MAF: variants seen among roughly 807,000 people sequenced by gnomAD.
MAF encodes MAF bZIP transcription factor.
A neutral mutation model predicts 22.0 loss-of-function variants in MAF; 10 were observed. The observed-to-expected ratio is 0.45, with a 90% CI of 0.28 to 0.77. The LOEUF is 0.77. Ranked by LOEUF, MAF falls within the 30% of genes least tolerant of loss-of-function variation. The pLI, the probability that MAF is intolerant of heterozygous loss-of-function variation, is 0.12. For missense variants in MAF, 544 were observed against 548.4 expected, an observed-to-expected ratio of 0.99 and a Z score of 0.08; for synonymous variants, 337 against 255.8, an observed-to-expected ratio of 1.32 and a Z score of -3.03.
the MAF span, among the ~76,000 whole-genome samples, chr16:79,495,355 C>T: frequency 2.0e-5 from 3 of 152,000 alleles, no homozygotes; most frequent in Non-Finnish European, 2.9e-5. Flanking sequence ...ACCAGCTACT[C>T]AGGAAGCTGA....
the MAF span, among the ~76,000 whole-genome samples, chr16:79,297,337 T>C: frequency 6.6e-6 from 1 of 152,196 alleles, no homozygotes; most frequent in Non-Finnish European, 1.5e-5. Context: ...AATGCTTTCA[T>C]TGAAGAATTG....
chr16:79,403,060 T>G, the MAF span, among the ~76,000 whole-genome samples: 1 of 152,180 alleles, frequency 6.6e-6, no homozygotes, highest in Admixed American at 6.5e-5. Flanking sequence ...TTTCAGCTCT[T>G]TGATGTGGCA....
chr16:79,226,369 G>A, the MAF span, among the ~76,000 whole-genome samples: 1 of 152,058 alleles, frequency 6.6e-6, no homozygotes, highest in African/African-American at 2.4e-5. Flanking sequence ...CACATACCAG[G>A]GCCTGTCAGG....
chr16:79,600,262 A>C lies in MAF; in HGVS notation c.-360T>G, dbSNP rs1339014893. 1 of 246,774 alleles carries C rather than the reference A, an allele frequency of 4.1e-6. No individual in the cohort carries two copies. Among genetic ancestry groups the C allele is most frequent in the Non-Finnish European group, 8.2e-6 (1 of 122,430 alleles). 15.3% of individuals were successfully genotyped at this position (246,774 alleles called of 1,614,324 possible). On this transcript the variant is annotated 5_prime_UTR_variant, in exon 1 of 2. Coordinates refer to ENST00000326043, the MANE Select transcript of MAF (RefSeq NM_005360.5). ...GTGGTGGCTGCGGCGGCGAAGCTGG[A>C]GGAGCCCGGCCCGGTGCGCGGCGTC... is the stretch of plus-strand genomic sequence containing the variant.
chr16:79,513,081 C>G, the MAF span, among the ~76,000 whole-genome samples: 1 of 152,244 alleles, frequency 6.6e-6, no homozygotes, highest in Non-Finnish European at 1.5e-5. Context: ...AGCAGCAATG[C>G]TGTGAGCATA....
chr16:79,578,520 A>G, the MAF span, among the ~76,000 whole-genome samples: 2 of 152,168 alleles, frequency 1.3e-5, no homozygotes, highest in Non-Finnish European at 2.9e-5. Flanking sequence ...AGCTCTATTC[A>G]TTTCTCATAT....
chr16:79,211,552 C>CATCTCATCACT, the MAF span: 1 of 1,610,764 alleles, frequency 6.2e-7, no homozygotes, highest in Non-Finnish European at 8.5e-7. Context: ...GAAATGACGC[C>CATCTCATCACT]ATCTCATCAC....
chr16:79,515,655 T>G, the MAF span, among the ~76,000 whole-genome samples: 972 of 152,276 alleles, frequency 6.4e-3, 5 homozygotes, highest in Non-Finnish European at 9.9e-3. Context: ...GCGTCTGTAT[T>G]TACAACTCTC....
chr16:79,381,194 A>G, the MAF span, among the ~76,000 whole-genome samples: 2 of 152,256 alleles, frequency 1.3e-5, no homozygotes, highest in Non-Finnish European at 2.9e-5. Flanking sequence ...TTTCCCTACA[A>G]ATCATGTGAC....
intron 1 of MAF, chr16:79,596,837 C>T (rs1913556837): frequency 4.8e-6 from 5 of 1,048,456 alleles, no homozygotes; most frequent in Non-Finnish European, 5.8e-6. Flanking sequence ...TGCAGTAATG[C>T]CATTTTTATA....
the MAF span, among the ~76,000 whole-genome samples, chr16:79,550,984 G>A: frequency 7.5e-3 from 1,143 of 152,184 alleles, 15 homozygotes; most frequent in African/African-American, 0.026. Context: ...GGAGGCCCCC[G>A]TGGCCTCACA....
At chr16:79,352,501 A>C in the MAF span, among the ~76,000 whole-genome samples, 1 of 152,154 alleles carries the variant, frequency 6.6e-6, no homozygotes, top group African/African-American at 2.4e-5. Context: ...AATCCCATAA[A>C]ATAATAACAG....
At chr16:79,385,583 G>A in the MAF span, among the ~76,000 whole-genome samples, 9 of 152,128 alleles carry the variant, frequency 5.9e-5, no homozygotes, top group African/African-American at 2.2e-4. Flanking sequence ...TTCTTAATTT[G>A]GTTTTTAAAA....
the MAF span, among the ~76,000 whole-genome samples, chr16:79,366,229 C>T: frequency 1.3e-5 from 2 of 152,144 alleles, no homozygotes; most frequent in African/African-American, 4.8e-5. Context: ...AAAATATATT[C>T]AGCTCTACAA....
the MAF span, among the ~76,000 whole-genome samples, chr16:79,309,180 A>C: frequency 2.6e-5 from 4 of 152,110 alleles, no homozygotes; most frequent in African/African-American, 7.2e-5. Context: ...ATACAGGAAA[A>C]ACTGAGGCTG....
the MAF span, among the ~76,000 whole-genome samples, chr16:79,419,030 T>C: frequency 6.6e-6 from 1 of 152,188 alleles, no homozygotes; most frequent in Non-Finnish European, 1.5e-5. Flanking sequence ...CAGACATTTA[T>C]TAAATTAGTT....
chr16:79,556,756 A>G, the MAF span, among the ~76,000 whole-genome samples: 4 of 152,184 alleles, frequency 2.6e-5, no homozygotes, highest in African/African-American at 9.6e-5. Flanking sequence ...TAATCTCTCT[A>G]TGCCATGGGT....
At chr16:79,488,708 G>A in the MAF span, among the ~76,000 whole-genome samples, 2 of 152,150 alleles carry the variant, frequency 1.3e-5, no homozygotes, top group African/African-American at 4.8e-5. Flanking sequence ...CCATTTATAA[G>A]TTAATTTATC....
the MAF span, among the ~76,000 whole-genome samples, chr16:79,320,448 C>G: frequency 5.3e-5 from 8 of 152,178 alleles, no homozygotes; most frequent in Admixed American, 1.3e-4. Context: ...GTTGGTCAGC[C>G]CATGAGTTCA....
Sources: gnomAD v4.1 joint callset for allele counts (sites outside exome capture counted in the v4.1 genomes callset) on GRCh38, gnomAD v4.1.1 for gene constraint, MANE v1.5 for transcripts, NCBI Gene and HGNC (gene_info 2026-07-23, HGNC 2026-07-21) for gene names.